NDUFAF6: variants seen among roughly 807,000 people sequenced by gnomAD.
The protein encoded by NDUFAF6 is NADH dehydrogenase (ubiquinone) complex I, assembly factor 6.
In NDUFAF6, 45 loss-of-function variants were observed where a neutral mutation model predicts 40.8. That is an observed-to-expected ratio of 1.10 (90% CI 0.87 to 1.42). The LOEUF is 1.42. Ranked by LOEUF, NDUFAF6 falls within the 40% of genes most tolerant of loss-of-function variation. NDUFAF6 has a pLI of 0.00. For synonymous variants in NDUFAF6, 185 were observed against 155.9 expected, an observed-to-expected ratio of 1.19 and a Z score of -1.39; for missense variants, 435 against 418.5, an observed-to-expected ratio of 1.04 and a Z score of -0.34.
rs113448657 is a variant in NDUFAF6, at chr8:95,085,013, G to A, written n.213+9261G>A. 8.5e-3 allele frequency among the ~76,000 whole-genome samples: 1,295 copies of A among 152,238 alleles called. 16 individuals are homozygous for A. The highest frequency in any genetic ancestry group is 0.029 in the African/African-American group (1,198 of 41,532). On this transcript the variant is annotated intron_variant and non_coding_transcript_variant, in intron 2 of 5. Coordinates refer to the NDUFAF6 transcript ENST00000523184. ...GAATCACACTCAATAGAGGCATAAGGCATTATAATACCACTTGTCAACTCC... is the reference window on the plus strand; with the variant it reads ...GAATCACACTCAATAGAGGCATAAGACATTATAATACCACTTGTCAACTCC...
intron 2 of NDUFAF6, among the ~76,000 whole-genome samples, chr8:95,014,034 CCA>C (rs2131679171): frequency 6.6e-6 from 1 of 152,268 alleles, no homozygotes; most frequent in Non-Finnish European, 1.5e-5. Context: ...TGTCAGCAAA[CCA>C]CCAGAAGCTA....
chr8:95,069,249 CAG>C (rs1424336931), intron 9 of NDUFAF6: 1 of 151,894 alleles, frequency 6.6e-6, no homozygotes, highest in Non-Finnish European at 1.5e-5. Context: ...ATGGGAGACA[CAG>C]AGGTAAACAA....
chr8:95,092,508 T>C (rs1809289159), intron 2 of NDUFAF6, among the ~76,000 whole-genome samples: 1 of 151,144 alleles, frequency 6.6e-6, no homozygotes, highest in Non-Finnish European at 1.5e-5. Flanking sequence ...GATTCCACAC[T>C]AATTGTCTCC....
At chr8:95,052,085 C>A in intron 7 of NDUFAF6, 89 bp from the exon 8 acceptor site, 1 of 1,176,740 alleles carries the variant, frequency 8.5e-7, no homozygotes, top group Non-Finnish European at 1.3e-6. Context: ...GAGGCCCTAT[C>A]AGTATTGTTA....
chr8:94,962,613 T>TG (rs1309065933), intron 1 of NDUFAF6, among the ~76,000 whole-genome samples: 178 of 89,176 alleles, frequency 2.0e-3, no homozygotes, highest in African/African-American at 5.9e-3. Context: ...TTTTTTGTTT[T>TG]TTGTTTTTTT....
At chr8:94,944,183 G>T (rs1167964064) in intron 1 of NDUFAF6, among the ~76,000 whole-genome samples, 1 of 152,192 alleles carries the variant, frequency 6.6e-6, no homozygotes, top group Non-Finnish European at 1.5e-5. Context: ...CTGGACTCTA[G>T]CCCTGAATCA....
chr8:94,935,042 A>C lies in NDUFAF6; in HGVS notation c.-935-10441A>C, dbSNP rs184300380. On this transcript the variant is annotated intron_variant, in intron 1 of 14. Transcript: ENST00000396113. ...TATGGCAAACTCTGGTAAAGTTAAT[A>C]AATTAATGTGCTGCCTAGGGTTTGT... Among the ~76,000 whole-genome samples, 618 of 152,246 alleles carry C rather than the reference A, an allele frequency of 4.1e-3. 3 individuals carry two copies. Among genetic ancestry groups the C allele is most frequent in the African/African-American group, 0.014 (586 of 41,530 alleles).
intron 1 of NDUFAF6, among the ~76,000 whole-genome samples, chr8:94,913,921 A>G (rs1316794846): frequency 1.3e-5 from 2 of 152,058 alleles, no homozygotes; most frequent in Non-Finnish European, 2.9e-5. Context: ...CCTCCTGAGT[A>G]GCTGAGACTA....
intron 1 of NDUFAF6, among the ~76,000 whole-genome samples, chr8:94,959,419 C>T (rs1172466376): frequency 6.6e-6 from 1 of 152,180 alleles, no homozygotes; most frequent in Non-Finnish European, 1.5e-5. Flanking sequence ...AGATAAGACT[C>T]CATTTGCCTA....
At chr8:95,034,448 A>G (rs1028297132) in intron 2 of NDUFAF6, among the ~76,000 whole-genome samples, 1 of 152,034 alleles carries the variant, frequency 6.6e-6, no homozygotes, top group Non-Finnish European at 1.5e-5. Flanking sequence ...TCTGTATGGG[A>G]TCTAATCTAG....
upstream of NDUFAF6, among the ~76,000 whole-genome samples, chr8:94,955,057 T>G (rs1013910620): frequency 6.6e-5 from 10 of 152,196 alleles, no homozygotes; most frequent in African/African-American, 2.4e-4. Context: ...CAGTTGCTTA[T>G]CTTCTAAGTG....
chr8:95,064,697 T>C (rs1832660133), intron 9 of NDUFAF6, among the ~76,000 whole-genome samples: 1 of 148,086 alleles, frequency 6.8e-6, no homozygotes, highest in East Asian at 1.9e-4. Context: ...CTGCTCTCCC[T>C]TCACCTGCTC....
intron 3 of NDUFAF6, among the ~76,000 whole-genome samples, chr8:95,039,931 A>C (rs536097129): frequency 5.9e-5 from 9 of 152,230 alleles, no homozygotes; most frequent in Non-Finnish European, 1.3e-4. Context: ...GCCCGGCCAG[A>C]ACAGTTACTG....
At chr8:95,030,954 G>A (rs1290915983) in intron 1 of NDUFAF6, among the ~76,000 whole-genome samples, 2 of 152,166 alleles carry the variant, frequency 1.3e-5, no homozygotes, top group Non-Finnish European at 2.9e-5. Context: ...GAAGGGAGGA[G>A]GTGCCAGGCT....
At chr8:95,061,786 T>C (rs1387886061), downstream of NDUFAF6, among the ~76,000 whole-genome samples, 1 of 152,176 alleles carries the variant, frequency 6.6e-6, no homozygotes, top group African/African-American at 2.4e-5. Context: ...ATGTAACTCA[T>C]TCTGTAGTAT....
chr8:95,034,761 A>G (rs961776079), intron 2 of NDUFAF6: 1 of 152,362 alleles, frequency 6.6e-6, no homozygotes, highest in African/African-American at 2.4e-5. Context: ...AGATGTTAAT[A>G]CTTTTTCCCT....
At chr8:95,101,995 AT>A (rs5893317) in intron 2 of NDUFAF6, among the ~76,000 whole-genome samples, 90,547 of 150,334 alleles carry the variant, frequency 0.6, 27,817 homozygotes, top group East Asian at 0.99. Flanking sequence ...CTAAAAAAGT[AT>A]TTTTTTTTTT....
At chr8:94,925,145 T>G (rs143845345) in intron 1 of NDUFAF6, among the ~76,000 whole-genome samples, 204 of 152,364 alleles carry the variant, frequency 1.3e-3, no homozygotes, top group African/African-American at 4.7e-3. Context: ...CCCAATCTTT[T>G]CATCTCAGCA....
upstream of NDUFAF6, chr8:94,958,006 G>A (rs1486328010): frequency 6.6e-6 from 1 of 152,286 alleles, no homozygotes; most frequent in African/African-American, 2.4e-5. Flanking sequence ...TCTCTTCTTC[G>A]GCCTTTCTGA....
Sources: gnomAD v4.1 joint callset for allele counts (sites outside exome capture counted in the v4.1 genomes callset) on GRCh38, gnomAD v4.1.1 for gene constraint, MANE v1.5 for transcripts, NCBI Gene and HGNC (gene_info 2026-07-23, HGNC 2026-07-21) for gene names.